Variants in DLC1 observed in about 807,000 individuals in gnomAD.
The protein encoded by DLC1 is DLC1 Rho GTPase activating protein, also known as rho GTPase-activating protein 7.
A neutral mutation model predicts 140.3 loss-of-function variants in DLC1; 54 were observed. That is an observed-to-expected ratio of 0.38 (90% CI 0.31 to 0.48). DLC1 has a LOEUF of 0.48. Ranked by LOEUF, DLC1 falls within the 20% of genes least tolerant of loss-of-function variation. The pLI, the probability that DLC1 is intolerant of heterozygous loss-of-function variation, is 0.96. For missense variants in DLC1, 2,536 were observed against 1,907.0 expected, an observed-to-expected ratio of 1.33 and a Z score of -6.14; for synonymous variants, 986 against 728.1, an observed-to-expected ratio of 1.35 and a Z score of -5.70.
chr8:13,358,093 G>C (rs1043274079), intron 4 of DLC1, among the ~76,000 whole-genome samples: 1 of 152,040 alleles, frequency 6.6e-6, no homozygotes, highest in Non-Finnish European at 1.5e-5. Flanking sequence ...AAGTTGAAAG[G>C]CTAATCCTGC....
intron 5 of DLC1, among the ~76,000 whole-genome samples, chr8:13,168,441 C>T (rs1825243081): frequency 6.6e-6 from 1 of 152,120 alleles, no homozygotes; most frequent in African/African-American, 2.4e-5. Context: ...ATCTCTTTTA[C>T]TCTCAGTAGC....
intron 4 of DLC1, among the ~76,000 whole-genome samples, chr8:13,311,604 T>C (rs773663741): frequency 1.6e-4 from 24 of 152,348 alleles, no homozygotes; most frequent in Admixed American, 7.2e-4. Flanking sequence ...TTGAGATTTA[T>C]TCCCCCCCTT....
intron 1 of DLC1, among the ~76,000 whole-genome samples, chr8:13,587,363 T>G (rs1288051413): frequency 6.6e-6 from 1 of 151,932 alleles, no homozygotes; most frequent in Non-Finnish European, 1.5e-5. Flanking sequence ...CATCTGGAAC[T>G]TTGTTTTAGG....
At chr8:13,314,230 CAT>C (rs1491051167) in intron 4 of DLC1, among the ~76,000 whole-genome samples, 1 of 121,972 alleles carries the variant, frequency 8.2e-6, no homozygotes, top group Non-Finnish European at 1.8e-5. Flanking sequence ...ATATATTACA[CAT>C]ATATTTATAA....
rs117136042 is a variant in DLC1, at chr8:13,573,694, C to T, written c.-126+30843G>A. Among the ~76,000 whole-genome samples the T allele has an allele frequency of 1.9e-3, 293 of 152,190 alleles. 8 individuals are homozygous for T. The East Asian group carries it at 0.054, about 28-fold the overall frequency. The stretch of plus-strand genomic sequence containing the variant: ...TATTTTGTCAGTTTTTTCCTGCATC[C>T]ATTGAAATAATCTTGTAGTTTGGCA... On this transcript the variant is annotated intron_variant, in intron 1 of 1. Transcript: ENST00000631382.
chr8:13,357,952 G>T (rs955956471), intron 4 of DLC1, among the ~76,000 whole-genome samples: 1 of 151,988 alleles, frequency 6.6e-6, no homozygotes, highest in Non-Finnish European at 1.5e-5. Context: ...AAAAATGCCT[G>T]TATATATGTA....
intron 5 of DLC1, among the ~76,000 whole-genome samples, chr8:13,215,246 G>C (rs1454242405): frequency 6.6e-6 from 1 of 152,116 alleles, no homozygotes; most frequent in Non-Finnish European, 1.5e-5. Context: ...ATTAATAAAA[G>C]TAGTTATCTG....
intron 1 of DLC1, among the ~76,000 whole-genome samples, chr8:13,593,899 A>G (rs114466033): frequency 0.013 from 2,000 of 152,210 alleles, 49 homozygotes; most frequent in African/African-American, 0.045. Context: ...AAATTAGAAT[A>G]CTGTGATAAA....
rs890940475 is a variant in DLC1, at chr8:13,567,234, G to C, written c.-126+37303C>G. 7 of 1,551,466 alleles carry C rather than the reference G, an allele frequency of 4.5e-6. No individual in the cohort carries two copies. The African/African-American group carries it at 6.9e-5, about 15-fold the overall frequency. The stretch of plus-strand genomic sequence containing the variant: ...TTTTGGACTATAAAAATTATGAAAA[G>C]AAGTTGAGTAAAAAATGGATCAACT... On this transcript the variant is annotated intron_variant, in intron 1 of 1. Coordinates refer to the DLC1 transcript ENST00000631382.
At chr8:13,442,658 C>A (rs1798575054) in intron 2 of DLC1, among the ~76,000 whole-genome samples, 1 of 152,310 alleles carries the variant, frequency 6.6e-6, no homozygotes, top group Admixed American at 6.5e-5. Context: ...CAATGAGATA[C>A]CATCTCACAC....
chr8:13,471,649 T>C (rs905831174), intron 2 of DLC1, among the ~76,000 whole-genome samples: 2 of 151,610 alleles, frequency 1.3e-5, no homozygotes, highest in Non-Finnish European at 2.9e-5. Flanking sequence ...AGTTTACCTA[T>C]GTAACAAACC....
At chr8:13,235,387 G>A (rs1829230362) in intron 5 of DLC1, among the ~76,000 whole-genome samples, 1 of 152,006 alleles carries the variant, frequency 6.6e-6, no homozygotes, top group Non-Finnish European at 1.5e-5. Flanking sequence ...AATGTGGAGG[G>A]AATGGATTAC....
At chr8:13,231,561 A>T (rs954569483) in intron 5 of DLC1, among the ~76,000 whole-genome samples, 1 of 152,232 alleles carries the variant, frequency 6.6e-6, no homozygotes, top group African/African-American at 2.4e-5. Context: ...AGACAAGCAA[A>T]GAGTTGAACT....
intron 5 of DLC1, among the ~76,000 whole-genome samples, chr8:13,256,911 G>A (rs1383130738): frequency 6.6e-6 from 1 of 150,736 alleles, no homozygotes. Flanking sequence ...GCAGAGGCAG[G>A]ATCTTGGGAG....
intron 5 of DLC1, among the ~76,000 whole-genome samples, chr8:13,235,441 A>ATATCTC (rs1491247642): frequency 6.6e-6 from 1 of 151,972 alleles, no homozygotes; most frequent in African/African-American, 2.4e-5. Context: ...TGTATATTCA[A>ATATCTC]TATCTCTCTT....
chr8:13,591,698 G>C (rs1299645720), intron 1 of DLC1, among the ~76,000 whole-genome samples: 1 of 151,984 alleles, frequency 6.6e-6, no homozygotes, highest in Non-Finnish European at 1.5e-5. Flanking sequence ...AGTAAAGTTA[G>C]AAATATTGGA....
At chr8:13,190,247 G>A (rs1015699786) in intron 5 of DLC1, among the ~76,000 whole-genome samples, 1 of 152,136 alleles carries the variant, frequency 6.6e-6, no homozygotes, top group Non-Finnish European at 1.5e-5. Flanking sequence ...TCCAGTGCTT[G>A]GTGGCCACGA....
At chr8:13,238,665 C>T (rs1829402938) in intron 5 of DLC1, among the ~76,000 whole-genome samples, 1 of 152,126 alleles carries the variant, frequency 6.6e-6, no homozygotes, top group East Asian at 1.9e-4. Context: ...ATCTGAGGAT[C>T]AGCCTAGATT....
At chr8:13,201,608 C>G (rs1342981177) in intron 5 of DLC1, among the ~76,000 whole-genome samples, 1 of 151,924 alleles carries the variant, frequency 6.6e-6, no homozygotes, top group Non-Finnish European at 1.5e-5. Context: ...AGTACTATTG[C>G]AATTTAATGA....
Sources: allele counts gnomAD v4.1 joint callset (sites outside exome capture counted in the v4.1 genomes callset), GRCh38; gene constraint gnomAD v4.1.1; transcripts MANE v1.5; gene names NCBI Gene and HGNC (gene_info 2026-07-23, HGNC 2026-07-21).